SNRPN: variants seen among roughly 807,000 people sequenced by gnomAD.
The protein encoded by SNRPN is small nuclear ribonucleoprotein polypeptide N.
SNRPN carries 7 observed loss-of-function variants against 25.2 expected under a neutral mutation model. The ratio of observed to expected loss-of-function variants is 0.28; its 90% CI spans 0.16 to 0.52. The LOEUF is 0.52. Ranked by LOEUF, SNRPN falls within the 20% of genes least tolerant of loss-of-function variation. The probability of loss-of-function intolerance (pLI) is 0.96; values close to 1 mark genes in which losing one functional copy is unlikely to be tolerated. For missense variants in SNRPN, 196 were observed against 322.5 expected (o/e 0.61, Z 3.00); for synonymous variants, 124 against 110.6 (o/e 1.12, Z -0.76).
rs112560608 is a variant in SNRPN, at chr15:24,974,466, A to G, written c.3+10A>G. 11,977 of 1,613,552 alleles carry G rather than the reference A, an allele frequency of 7.4e-3. 81 individuals carry two copies. Among genetic ancestry groups the G allele is most frequent in the South Asian group, 0.015 (1,358 of 91,058 alleles). On this transcript the variant is annotated intron_variant, in intron 4 of 9. Coordinates refer to ENST00000390687, the MANE Select transcript of SNRPN (RefSeq NM_003097.6). Reference sequence around the variant, plus strand: ...TGGAACAGCAATCATGGTAAGCTGTATGATAAGGCTGAGGGTTGAAATGTG... The same window carrying G: ...TGGAACAGCAATCATGGTAAGCTGTGTGATAAGGCTGAGGGTTGAAATGTG...
chr15:24,975,591 G>T (rs1359034888), intron 5 of SNRPN, 82 bp downstream of exon 5: 2 of 1,191,376 alleles, frequency 1.7e-6, no homozygotes, highest in East Asian at 2.3e-5. Flanking sequence ...GGATTTCCGA[G>T]GGTAACTGAA....
chr15:24,873,297 C>T lies in SNRPN; in HGVS notation c.-578-13219C>T, dbSNP rs1023125118. ...TACATACCACAGTCCCAGGGACAAC[C>T]ACAAAATCAAGACTCTTCTTTTGTT... On this transcript the variant is annotated intron_variant, in intron 1 of 11. Coordinates refer to the SNRPN transcript ENST00000400097. Among the ~76,000 whole-genome samples, 3 of 119,036 alleles carry T rather than the reference C, an allele frequency of 2.5e-5. 1 individual carries two copies. The highest frequency in any genetic ancestry group is 5.5e-5 in the Non-Finnish European group (3 of 54,828). 78.1% of individuals were successfully genotyped at this position (119,036 alleles called of 152,430 possible).
At chr15:24,907,175 T>C (rs887402258) in intron 2 of SNRPN, among the ~76,000 whole-genome samples, 1 of 152,108 alleles carries the variant, frequency 6.6e-6, no homozygotes, top group Non-Finnish European at 1.5e-5. Flanking sequence ...TGGTCTTAAA[T>C]AGAGCTGGGA....
intron 3 of SNRPN, among the ~76,000 whole-genome samples, chr15:24,931,612 G>T (rs184327981): frequency 2.0e-4 from 30 of 152,018 alleles, no homozygotes; most frequent in African/African-American, 7.2e-4. Context: ...GGGGCGGGGG[G>T]TGAATGGCTT....
chr15:24,975,289 G>A (rs1490130754), intron 4 of SNRPN, 69 bp from the exon 5 acceptor site: 30 of 1,258,344 alleles, frequency 2.4e-5, no homozygotes, highest in Non-Finnish European at 3.1e-5. Context: ...GGGTGGAGAA[G>A]AAACAGGAGA....
intron 3 of SNRPN, among the ~76,000 whole-genome samples, chr15:24,935,952 T>TA (rs1314270772): frequency 6.6e-6 from 1 of 151,888 alleles, no homozygotes; most frequent in East Asian, 1.9e-4. Flanking sequence ...ACGTCTCTAC[T>TA]AAAAATACAA....
intron 2 of SNRPN, among the ~76,000 whole-genome samples, chr15:24,838,267 C>G (rs1380610749): frequency 6.7e-6 from 1 of 148,530 alleles, no homozygotes; most frequent in Non-Finnish European, 1.5e-5. Flanking sequence ...AATCTCCTGA[C>G]CTCGTGATCC....
chr15:24,876,082 T>A (rs974630492), intron 1 of SNRPN, among the ~76,000 whole-genome samples: 4 of 150,788 alleles, frequency 2.7e-5, no homozygotes, highest in South Asian at 4.2e-4. Context: ...ACAAAAAAAA[T>A]AAAAATTTTA....
At chr15:24,885,613 C>A (rs1262242942) in intron 1 of SNRPN, among the ~76,000 whole-genome samples, 1 of 152,024 alleles carries the variant, frequency 6.6e-6, no homozygotes, top group Non-Finnish European at 1.5e-5. Context: ...ATCTCTGCAA[C>A]ATTGTATCAT....
chr15:24,882,121 T>G (rs1425042670), intron 1 of SNRPN, among the ~76,000 whole-genome samples: 1 of 152,222 alleles, frequency 6.6e-6, no homozygotes, highest in Non-Finnish European at 1.5e-5. Context: ...TAATTGATTT[T>G]GAATTTTTAT....
chr15:24,956,636 A>G (rs1200512109), intron 1 of SNRPN, among the ~76,000 whole-genome samples: 1 of 152,182 alleles, frequency 6.6e-6, no homozygotes, highest in East Asian at 1.9e-4. Flanking sequence ...CCTGGAAGGA[A>G]TGGCAGCCCT....
chr15:24,908,056 A>C (rs1490644532), intron 2 of SNRPN, among the ~76,000 whole-genome samples: 24 of 71,454 alleles, frequency 3.4e-4, no homozygotes, highest in African/African-American at 3.3e-3. Flanking sequence ...CCATCTCAAA[A>C]AAAAAAAAAA....
At chr15:24,958,192 A>G (rs796476066) in intron 1 of SNRPN, among the ~76,000 whole-genome samples, 1 of 152,260 alleles carries the variant, frequency 6.6e-6, no homozygotes, top group African/African-American at 2.4e-5. Context: ...TTTTCCTAAT[A>G]AACATCTTTG....
rs528303300 is a variant in SNRPN, at chr15:24,910,920, C to T, written c.-504-9091C>T. ...CCATCCTTCCATAAGCCTTGCTTTT[C>T]CTCCTGTAGGCTGGCAGAGGAAAGT... On this transcript the variant is annotated intron_variant, in intron 2 of 11. Coordinates refer to the SNRPN transcript ENST00000400097. The T allele has an allele frequency of 6.3e-4, 464 of 731,096 alleles. 10 individuals carry two copies. In the South Asian group the frequency reaches 7.3e-3, roughly 11 times the overall value. 45.3% of individuals were successfully genotyped at this position (731,096 alleles called of 1,614,324 possible). A position where few individuals can be genotyped will look rare whatever the true frequency, so the allele number is the denominator to read the frequency against.
intron 2 of SNRPN, among the ~76,000 whole-genome samples, chr15:24,835,281 A>G (rs1595370275): frequency 6.6e-6 from 1 of 151,534 alleles, no homozygotes; most frequent in Non-Finnish European, 1.5e-5. Context: ...ATGTGACTAC[A>G]TTACTTTAGT....
In SNRPN at chr15:24,928,910, A is replaced by G. The variant is rs899888857; in HGVS notation, c.-391+8786A>G. ...GGTGTGAGCCATCACTCCCAGCTCC[A>G]ATTTTTAGATACTGACCCCATTTAG... On this transcript the variant is annotated intron_variant, in intron 3 of 11. Transcript: ENST00000400097. Among the ~76,000 whole-genome samples the G allele has an allele frequency of 4.6e-5, 7 of 152,138 alleles. No individual in the cohort carries two copies. The South Asian group carries it at 1.5e-3, about 32-fold the overall frequency.
At chr15:24,830,463 A>G (rs1217921023) in intron 2 of SNRPN, among the ~76,000 whole-genome samples, 1 of 152,052 alleles carries the variant, frequency 6.6e-6, no homozygotes, top group Non-Finnish European at 1.5e-5. Context: ...CCAATGTTAT[A>G]TATTTTCTCC....
intron 1 of SNRPN, among the ~76,000 whole-genome samples, chr15:24,865,783 A>G (rs902887011): frequency 6.6e-6 from 1 of 151,978 alleles, no homozygotes; most frequent in Admixed American, 6.6e-5. Flanking sequence ...TATGATCTCT[A>G]TTTTAATATG....
In SNRPN at chr15:24,926,650, G is replaced by A. The variant is rs556444677; in HGVS notation, c.-391+6526G>A. 1.5e-4 allele frequency among the ~76,000 whole-genome samples: 22 copies of A among 151,472 alleles called. 1 individual carries two copies. Among genetic ancestry groups the A allele is most frequent in the Non-Finnish European group, 3.1e-4 (21 of 67,916 alleles). On this transcript the variant is annotated intron_variant, in intron 3 of 11. Transcript: ENST00000400097. ...TTTTTGCACTTTTTAACAAATAGATGTATCCATGCTATTTTATTTTAAATT... is the reference window on the plus strand; with the variant it reads ...TTTTTGCACTTTTTAACAAATAGATATATCCATGCTATTTTATTTTAAATT...
Sources: gnomAD v4.1 joint callset for allele counts (sites outside exome capture counted in the v4.1 genomes callset) on GRCh38, gnomAD v4.1.1 for gene constraint, MANE v1.5 for transcripts, NCBI Gene and HGNC (gene_info 2026-07-23, HGNC 2026-07-21) for gene names.